Variants in PCDH15 observed in about 807,000 individuals in gnomAD.
The protein encoded by PCDH15 is protocadherin-15.
Under a neutral mutation model 178.5 loss-of-function variants are expected in PCDH15, and 129 were observed. That is an observed-to-expected ratio of 0.72 (90% CI 0.63 to 0.84). The LOEUF (loss-of-function observed/expected upper bound fraction) is 0.84. Ranked by LOEUF, PCDH15 falls within the 40% of genes least tolerant of loss-of-function variation. The pLI is 0.00. For missense variants in PCDH15, 2,230 were observed against 2,099.9 expected, an observed-to-expected ratio of 1.06 and a Z score of -1.21; for synonymous variants, 800 against 732.0, an observed-to-expected ratio of 1.09 and a Z score of -1.50.
chr10:54,383,694 A>G (rs991763177), intron 3 of PCDH15, among the ~76,000 whole-genome samples: 2 of 150,808 alleles, frequency 1.3e-5, no homozygotes, highest in African/African-American at 2.4e-5. Flanking sequence ...TGGGTAAAAA[A>G]CAATCTTCAT....
chr10:54,116,970 T>A (rs2095124707), intron 15 of PCDH15, among the ~76,000 whole-genome samples: 1 of 152,154 alleles, frequency 6.6e-6, no homozygotes. Context: ...GAGGAGTGCT[T>A]ATTTTTAATT....
intron 2 of PCDH15, among the ~76,000 whole-genome samples, chr10:55,567,887 G>A (rs1842334300): frequency 6.6e-6 from 1 of 151,804 alleles, no homozygotes; most frequent in Non-Finnish European, 1.5e-5. Flanking sequence ...ACCCATTTAG[G>A]ATGGAAGCTA....
At chr10:54,496,093 T>G (rs1375674612) in intron 3 of PCDH15, among the ~76,000 whole-genome samples, 2 of 152,192 alleles carry the variant, frequency 1.3e-5, no homozygotes, top group African/African-American at 2.4e-5. Flanking sequence ...GAAAGATGTT[T>G]GCCTTGGGAT....
intron 2 of PCDH15, among the ~76,000 whole-genome samples, chr10:54,596,173 G>T (rs986601381): frequency 2.0e-5 from 3 of 151,958 alleles, no homozygotes; most frequent in Admixed American, 6.6e-5. Flanking sequence ...GGTTCTGTAA[G>T]GTCAAAATGA....
intron 14 of PCDH15, among the ~76,000 whole-genome samples, chr10:54,137,278 A>G (rs970806019): frequency 1.3e-5 from 2 of 152,180 alleles, no homozygotes; most frequent in Non-Finnish European, 2.9e-5. Flanking sequence ...TAATATAGCC[A>G]GTATGATGCA....
chr10:54,316,488 A>G (rs2061274640), intron 8 of PCDH15, among the ~76,000 whole-genome samples: 1 of 151,970 alleles, frequency 6.6e-6, no homozygotes, highest in Non-Finnish European at 1.5e-5. Context: ...TTAAATGGTT[A>G]AATCCTAGAC....
At chr10:55,167,936 A>C (rs2132120029) in intron 1 of PCDH15, among the ~76,000 whole-genome samples, 1 of 152,266 alleles carries the variant, frequency 6.6e-6, no homozygotes, top group African/African-American at 2.4e-5. Flanking sequence ...TATAAATTAA[A>C]ATTTTAAAAT....
chr10:54,516,057 C>A (rs1409547418), intron 3 of PCDH15, among the ~76,000 whole-genome samples: 2 of 152,270 alleles, frequency 1.3e-5, no homozygotes, highest in East Asian at 3.9e-4. Context: ...AAAAACAGAG[C>A]AGAAAAACTG....
intron 3 of PCDH15, among the ~76,000 whole-genome samples, chr10:54,484,611 A>G (rs956790781): frequency 6.6e-6 from 1 of 151,912 alleles, no homozygotes; most frequent in East Asian, 1.9e-4. Context: ...ACATTAATGA[A>G]TTGAGATAAG....
chr10:54,548,134 C>CAT (rs914518889), intron 2 of PCDH15, among the ~76,000 whole-genome samples: 63 of 145,664 alleles, frequency 4.3e-4, no homozygotes, highest in African/African-American at 1.1e-3. Flanking sequence ...AAAAAAAACC[C>CAT]ATATATATAT....
intron 3 of PCDH15, among the ~76,000 whole-genome samples, chr10:54,463,382 A>G (rs12772437): frequency 0.033 from 4,959 of 152,282 alleles, 103 homozygotes; most frequent in Non-Finnish European, 0.047. Context: ...AATGGCTATT[A>G]CTTATCAGTA....
chr10:54,403,006 T>C (rs1260841843), intron 3 of PCDH15, among the ~76,000 whole-genome samples: 2 of 151,970 alleles, frequency 1.3e-5, no homozygotes, highest in Non-Finnish European at 2.9e-5. Flanking sequence ...ACATCGTGCA[T>C]CCAACAGTTA....
rs149430715 is a variant in PCDH15, at chr10:54,714,307, C to T, written c.-28-50017G>A. ...GCAACTAAAAGTTAGCCTTTTTCAG[C>T]AGTGTAGAGATGAGAAGAGAGACTG... is the stretch of plus-strand genomic sequence containing the variant. On this transcript the variant is annotated intron_variant, in intron 1 of 37. Coordinates refer to ENST00000644397, the MANE Select transcript of PCDH15 (RefSeq NM_001384140.1). 3.7e-3 allele frequency among the ~76,000 whole-genome samples: 566 copies of T among 152,138 alleles called. 11 individuals carry two copies. Among genetic ancestry groups the T allele is most frequent in the East Asian group, 0.012 (62 of 5,154 alleles).
intron 3 of PCDH15, among the ~76,000 whole-genome samples, chr10:54,870,583 A>G (rs1954017882): frequency 6.6e-6 from 1 of 152,076 alleles, no homozygotes; most frequent in African/African-American, 2.4e-5. Flanking sequence ...CAGGAGATCG[A>G]GCCCATCCTG....
intron 2 of PCDH15, among the ~76,000 whole-genome samples, chr10:54,551,068 T>C (rs2086525618): frequency 7.0e-6 from 1 of 142,014 alleles, no homozygotes; most frequent in Admixed American, 7.6e-5. Context: ...GGCAGGAGAA[T>C]CTCCTGTACC....
chr10:54,075,527 TTTG>T (rs1201225965), intron 17 of PCDH15, among the ~76,000 whole-genome samples: 2 of 152,214 alleles, frequency 1.3e-5, no homozygotes, highest in East Asian at 1.9e-4. Flanking sequence ...TTGTCTATTT[TTTG>T]TTGTTGTTGT....
intron 21 of PCDH15, among the ~76,000 whole-genome samples, chr10:53,987,716 T>C (rs1217772976): frequency 6.6e-6 from 1 of 152,132 alleles, no homozygotes; most frequent in African/African-American, 2.4e-5. Context: ...AGGCCGCCCA[T>C]GGGTTCCTAA....
intron 10 of PCDH15, among the ~76,000 whole-genome samples, chr10:54,204,772 T>A (rs2134012331): frequency 6.6e-6 from 1 of 152,176 alleles, no homozygotes; most frequent in Admixed American, 6.5e-5. Context: ...ACGTGAAAAT[T>A]AAAGATGCTC....
chr10:53,947,053 G>A (rs2086636919), intron 23 of PCDH15, among the ~76,000 whole-genome samples: 1 of 152,106 alleles, frequency 6.6e-6, no homozygotes. Flanking sequence ...AGGATTACAG[G>A]TGTGAACCAC....
Sources: gnomAD v4.1 joint callset for allele counts (sites outside exome capture counted in the v4.1 genomes callset) on GRCh38, gnomAD v4.1.1 for gene constraint, MANE v1.5 for transcripts, NCBI Gene and HGNC (gene_info 2026-07-23, HGNC 2026-07-21) for gene names.